LGI1: variants seen among roughly 807,000 people sequenced by gnomAD.
LGI1 encodes the protein leucine-rich glioma-inactivated protein 1.
Under a neutral mutation model 57.7 loss-of-function variants are expected in LGI1, and 11 were observed. The ratio of observed to expected loss-of-function variants is 0.19; its 90% CI spans 0.12 to 0.32. The LOEUF is 0.32. Among genes scored for constraint, LGI1 ranks in the 10% least tolerant of loss-of-function variants. The pLI, the probability that LGI1 is intolerant of heterozygous loss-of-function variation, is 1.00. For missense variants in LGI1, 422 were observed against 661.9 expected (o/e 0.64, Z 3.98); for synonymous variants, 222 against 241.9 (o/e 0.92, Z 0.76).
chr10:93,761,634 T>C (rs1333505775), intron 2 of LGI1, among the ~76,000 whole-genome samples: 1 of 152,132 alleles, frequency 6.6e-6, no homozygotes, highest in Non-Finnish European at 1.5e-5. Context: ...GAAAAGATCC[T>C]GGTAGGCCAT....
intron 2 of LGI1, chr10:93,767,718 G>A (rs1323535582): frequency 1.3e-5 from 2 of 152,124 alleles, no homozygotes; most frequent in Non-Finnish European, 2.9e-5. Flanking sequence ...ACCTCTGGGA[G>A]TCAGGCTCCT....
chr10:93,764,097 G>A (rs1212287133), intron 2 of LGI1: 1 of 152,204 alleles, frequency 6.6e-6, no homozygotes, highest in African/African-American at 2.4e-5. Context: ...GGCTCTACTG[G>A]GTAGCAGGTA....
At chr10:93,765,918 C>G (rs1226363883) in intron 2 of LGI1, among the ~76,000 whole-genome samples, 1 of 148,290 alleles carries the variant, frequency 6.7e-6, no homozygotes, top group Non-Finnish European at 1.5e-5. Flanking sequence ...TGCAGTGAGC[C>G]GAGATCGCGC....
intron 7 of LGI1, among the ~76,000 whole-genome samples, chr10:93,794,320 A>C (rs1290577860): frequency 1.4e-5 from 2 of 147,976 alleles, no homozygotes; most frequent in Non-Finnish European, 3.0e-5. Context: ...CCCGGCCGGA[A>C]TCTAATTCTT....
At chr10:93,786,808 G>A (rs2059896060) in intron 4 of LGI1, among the ~76,000 whole-genome samples, 1 of 152,166 alleles carries the variant, frequency 6.6e-6, no homozygotes, top group African/African-American at 2.4e-5. Context: ...TGTCCAGGCT[G>A]GTCTCAAACT....
intron 2 of LGI1, chr10:93,762,716 T>A (rs1346022154): frequency 1.3e-5 from 2 of 152,068 alleles, no homozygotes; most frequent in Non-Finnish European, 2.9e-5. Flanking sequence ...CAATGATCCA[T>A]AGATCTAATC....
chr10:93,763,743 G>A (rs1198634998), intron 2 of LGI1: 1 of 152,080 alleles, frequency 6.6e-6, no homozygotes, highest in Non-Finnish European at 1.5e-5. Context: ...CAGCATACCA[G>A]ATTTCAAAGG....
chr10:93,777,300 ATTT>A, intron 2 of LGI1, 76 bp from the exon 3 acceptor site: 1 of 1,284,470 alleles, frequency 7.8e-7, no homozygotes, highest in Non-Finnish European at 1.1e-6. Flanking sequence ...ACTCCCACTC[ATTT>A]TTCTGAGAGA....
In LGI1 at chr10:93,797,254, G is replaced by A. The variant is rs886047487; in HGVS notation, c.1125G>A (p.Ala375=). 9 of 1,614,150 alleles carry A rather than the reference G, an allele frequency of 5.6e-6. No homozygotes were observed. The highest frequency in any genetic ancestry group is 3.3e-5 in the Admixed American group (2 of 60,024). The part of the protein sequence containing the change: ...NGFYSHQSLH[A]WYRDTDVEYL... The stretch of plus-strand genomic sequence containing the variant: ...TCTACTCCCATCAATCCTTACACGC[G>A]TGGTACAGGGACACTGATGTGGAAT... Residue 375 remains alanine, a synonymous_variant, in exon 8 of 8, where the codon GCG becomes GCA. Transcript: ENST00000371418. The surrounding 1 kb of genome is among the most constrained non-coding windows in gnomAD (Gnocchi z 6.5).
chr10:93,792,713 C>T, intron 5 of LGI1, 30 bp from the exon 6 acceptor site: 1 of 1,612,260 alleles, frequency 6.2e-7, no homozygotes, highest in Non-Finnish European at 8.5e-7. Flanking sequence ...GGCCCTTGTA[C>T]AGCAAAAGCA....
intron 4 of LGI1, among the ~76,000 whole-genome samples, chr10:93,787,325 T>A (rs1331144655): frequency 6.6e-6 from 1 of 152,164 alleles, no homozygotes; most frequent in African/African-American, 2.4e-5. Flanking sequence ...CACCCTCTGA[T>A]TCCCAAGGCA....
intron 2 of LGI1, among the ~76,000 whole-genome samples, chr10:93,762,248 T>C (rs1466489847): frequency 1.3e-5 from 2 of 152,242 alleles, no homozygotes; most frequent in African/African-American, 4.8e-5. Flanking sequence ...TGGTCTTGTT[T>C]GAAAGACAGA....
chr10:93,766,145 G>T (rs940755268), intron 2 of LGI1, among the ~76,000 whole-genome samples: 5 of 152,076 alleles, frequency 3.3e-5, no homozygotes, highest in African/African-American at 1.2e-4. Flanking sequence ...ACCTTACCAG[G>T]CTCTCCCTGT....
chr10:93,769,697 C>A (rs1420179858), intron 2 of LGI1: 1 of 152,238 alleles, frequency 6.6e-6, no homozygotes, highest in Non-Finnish European at 1.5e-5. Flanking sequence ...CTGGCAGTTA[C>A]AAGCTTAGAA....
At chr10:93,792,457 G>A (rs537414219) in intron 5 of LGI1, 38 of 334,610 alleles carry the variant, frequency 1.1e-4, no homozygotes, top group Non-Finnish European at 1.7e-4. Flanking sequence ...TTACAATTAC[G>A]GTTCATATAC....
intron 4 of LGI1, chr10:93,788,383 T>G (rs533402094): frequency 2.6e-5 from 4 of 152,362 alleles, no homozygotes; most frequent in African/African-American, 9.6e-5. Flanking sequence ...AGCTGTTCTC[T>G]TCTGACACCA....
At chr10:93,775,443 G>A (rs1263467628) in intron 2 of LGI1, among the ~76,000 whole-genome samples, 1 of 152,178 alleles carries the variant, frequency 6.6e-6, no homozygotes, top group Non-Finnish European at 1.5e-5. Context: ...ATTCAGCCAG[G>A]AACTGTGCCC....
intron 5 of LGI1, chr10:93,792,468 T>C: frequency 2.2e-6 from 1 of 461,348 alleles, no homozygotes; most frequent in Non-Finnish European, 3.9e-6. Context: ...GTTCATATAC[T>C]GTTTCTATTG....
At chr10:93,796,697 C>T (rs911974873) in intron 7 of LGI1, among the ~76,000 whole-genome samples, 13 of 152,316 alleles carry the variant, frequency 8.5e-5, no homozygotes, top group Middle Eastern at 3.4e-3. Flanking sequence ...GGAGAACACT[C>T]GGGCCATAGC....
Sources: gnomAD v4.1 joint callset for allele counts (sites outside exome capture counted in the v4.1 genomes callset) on GRCh38, gnomAD v4.1.1 for gene constraint, Gnocchi (gnomAD v3.1) non-coding constraint, MANE v1.5 for transcripts, NCBI Gene and HGNC (gene_info 2026-07-23, HGNC 2026-07-21) for gene names.